The following HDAC9 variants were observed in gnomAD, a reference collection of about 807,000 sequenced individuals.
HDAC9 encodes the protein MEF-2 interacting transcription repressor (MITR) protein.
In HDAC9, 41 loss-of-function variants were observed where a neutral mutation model predicts 139.4. The observed-to-expected ratio is 0.29, with a 90% confidence interval of 0.23 to 0.38. The LOEUF (loss-of-function observed/expected upper bound fraction) is 0.38, where lower values mean the gene tolerates loss of function less well. HDAC9 is among the 10% of genes least tolerant of loss of function. The pLI is 1.00. For synonymous variants in HDAC9, 517 were observed against 476.2 expected (o/e 1.09, Z -1.12); for missense variants, 1,147 against 1,297.0 (o/e 0.88, Z 1.78).
rs567896533 is a variant in HDAC9 at position 18,283,768 on chromosome 7, T to G, written c.25+121419T>G. On this transcript the variant is annotated intron_variant, in intron 2 of 12. Coordinates refer to the HDAC9 transcript ENST00000417496. ...AACTCTTTTAGGTAATCACCCTTATTTATAGATGGGAAACATTCAGCTGCA... is the reference window on the plus strand; with the variant it reads ...AACTCTTTTAGGTAATCACCCTTATGTATAGATGGGAAACATTCAGCTGCA... Among the ~76,000 whole-genome samples, 12 of 152,286 alleles carry G rather than the reference T, an allele frequency of 7.9e-5. No individual in the cohort carries two copies. In the East Asian group the frequency reaches 2.1e-3, roughly 27 times the overall value.
intron 1 of HDAC9, among the ~76,000 whole-genome samples, chr7:18,378,135 G>A (rs1205998438): frequency 6.6e-6 from 1 of 152,128 alleles, no homozygotes; most frequent in African/African-American, 2.4e-5. Context: ...CCATTTTCCA[G>A]TGACCCCATA....
At chr7:18,250,149 T>C (rs1794827327) in intron 2 of HDAC9, among the ~76,000 whole-genome samples, 1 of 152,226 alleles carries the variant, frequency 6.6e-6, no homozygotes, top group South Asian at 2.1e-4. Flanking sequence ...GTTGAAATGC[T>C]TTTATTTCTC....
chr7:18,183,079 G>A (rs1249683294), intron 2 of HDAC9, among the ~76,000 whole-genome samples: 3 of 150,424 alleles, frequency 2.0e-5, no homozygotes, highest in Admixed American at 6.6e-5. Flanking sequence ...GCGCAATCTC[G>A]GCTCACTGCA....
chr7:18,585,584 A>G (rs1829226382), intron 3 of HDAC9, 62 bp downstream of exon 3: 38 of 1,572,856 alleles, frequency 2.4e-5, no homozygotes, highest in Non-Finnish European at 3.3e-5. Flanking sequence ...GGGCATGAAC[A>G]GTGCCCATGG....
chr7:18,897,786 T>C (rs1366687785), intron 22 of HDAC9, among the ~76,000 whole-genome samples: 1 of 151,236 alleles, frequency 6.6e-6, no homozygotes, highest in Admixed American at 6.6e-5. Flanking sequence ...ATGTTTTCTC[T>C]ATCTAATTGC....
chr7:18,847,463 G>T (rs1174041888), intron 21 of HDAC9, among the ~76,000 whole-genome samples: 33 of 152,090 alleles, frequency 2.2e-4, no homozygotes, highest in Non-Finnish European at 2.9e-5. Context: ...ACACCAGAAG[G>T]TCTGGTTGGA....
chr7:18,829,413 T>C, intron 18 of HDAC9, 48 bp from the exon 19 acceptor site: 4 of 1,378,066 alleles, frequency 2.9e-6, no homozygotes, highest in Non-Finnish European at 4.1e-6. Flanking sequence ...ATAATGGTTT[T>C]CCTGGATGAT....
chr7:18,603,267 C>T (rs919383478), intron 6 of HDAC9, among the ~76,000 whole-genome samples: 9 of 151,988 alleles, frequency 5.9e-5, no homozygotes, highest in Non-Finnish European at 8.8e-5. Context: ...AGCCTCTCTT[C>T]GTGTATTGAG....
chr7:18,153,762 C>CA (rs1786963967), intron 1 of HDAC9, among the ~76,000 whole-genome samples: 1 of 152,158 alleles, frequency 6.6e-6, no homozygotes, highest in Non-Finnish European at 1.5e-5. Context: ...GAATCAGTGC[C>CA]AATGTGGGTC....
chr7:18,713,816 T>C (rs1784512420), intron 12 of HDAC9, among the ~76,000 whole-genome samples: 1 of 152,162 alleles, frequency 6.6e-6, no homozygotes, highest in Non-Finnish European at 1.5e-5. Flanking sequence ...AACTGATGAC[T>C]GTGGCATTGG....
chr7:18,162,423 G>T (rs1787693044), intron 2 of HDAC9: 2 of 1,326,324 alleles, frequency 1.5e-6, no homozygotes, highest in Non-Finnish European at 1.0e-6. Context: ...TTCAAACCAA[G>T]TAATTTAATT....
At chr7:18,795,960 A>G (rs920581177) in intron 17 of HDAC9, among the ~76,000 whole-genome samples, 1 of 152,256 alleles carries the variant, frequency 6.6e-6, no homozygotes, top group Non-Finnish European at 1.5e-5. Context: ...CTGGTAAGTA[A>G]TAAGAAATGT....
At chr7:18,093,225 G>C (rs1782280406) in intron 1 of HDAC9, among the ~76,000 whole-genome samples, 1 of 152,170 alleles carries the variant, frequency 6.6e-6, no homozygotes, top group African/African-American at 2.4e-5. Context: ...GGTGTGTGGA[G>C]ACTTTGAAAG....
chr7:18,888,478 C>G (rs1460910981), intron 22 of HDAC9, among the ~76,000 whole-genome samples: 1 of 152,106 alleles, frequency 6.6e-6, no homozygotes, highest in East Asian at 1.9e-4. Flanking sequence ...GGATTTGATA[C>G]GTTTTCAATA....
chr7:18,940,534 C>T (rs1368481186), intron 23 of HDAC9, among the ~76,000 whole-genome samples: 1 of 152,078 alleles, frequency 6.6e-6, no homozygotes, highest in African/African-American at 2.4e-5. Flanking sequence ...GAAACACCAG[C>T]TTGGGGTTTG....
chr7:18,238,479 C>G (rs935882566), intron 2 of HDAC9, among the ~76,000 whole-genome samples: 4 of 152,174 alleles, frequency 2.6e-5, no homozygotes, highest in African/African-American at 9.7e-5. Context: ...CAGTATTTCC[C>G]CAGCGCAGTG....
intron 1 of HDAC9, among the ~76,000 whole-genome samples, chr7:18,416,298 A>T (rs1789057045): frequency 5.3e-5 from 8 of 151,986 alleles, no homozygotes; most frequent in Admixed American, 5.2e-4. Flanking sequence ...CTCCATCTCA[A>T]AAAAAAACAA....
intron 1 of HDAC9, among the ~76,000 whole-genome samples, chr7:18,363,884 A>G (rs1445813636): frequency 6.6e-6 from 1 of 151,998 alleles, no homozygotes; most frequent in East Asian, 1.9e-4. Context: ...CCCAGAATTC[A>G]TTTGCTTTTC....
At chr7:18,337,028 T>A (rs921864825) in intron 1 of HDAC9, among the ~76,000 whole-genome samples, 1 of 151,690 alleles carries the variant, frequency 6.6e-6, no homozygotes, top group Non-Finnish European at 1.5e-5. Flanking sequence ...TTTTCTTCAA[T>A]TGAATTATAA....
Sources: gnomAD v4.1 joint callset for allele counts (sites outside exome capture counted in the v4.1 genomes callset) on GRCh38, gnomAD v4.1.1 for gene constraint, MANE v1.5 for transcripts, NCBI Gene and HGNC (gene_info 2026-07-23, HGNC 2026-07-21) for gene names.